PER3: variants seen among roughly 807,000 people sequenced by gnomAD.
The protein encoded by PER3 is period circadian protein homolog 3.
A neutral mutation model predicts 127.2 loss-of-function variants in PER3; 107 were observed. The ratio of observed to expected loss-of-function variants is 0.84; its 90% CI spans 0.72 to 0.99. The LOEUF (loss-of-function observed/expected upper bound fraction) is 0.99. Among genes scored for constraint, PER3 ranks in the 50% least tolerant of loss-of-function variants. PER3 has a pLI of 0.00. For missense variants in PER3, 1,560 were observed against 1,525.8 expected, an observed-to-expected ratio of 1.02 and a Z score of -0.37; for synonymous variants, 618 against 585.8, an observed-to-expected ratio of 1.05 and a Z score of -0.79.
chr1:7,784,730 C>A lies in PER3; in HGVS notation c.-148C>A. On this transcript the variant is annotated 5_prime_UTR_variant, in exon 2 of 22. Coordinates refer to ENST00000377532, the MANE Select transcript of PER3 (RefSeq NM_001377275.1). The stretch of plus-strand genomic sequence containing the variant: ...AAAAGCTCCTCGGAGATGAGCGTGA[C>A]CCCCTGGCTCGTGGTGGCCGCCTGT... The A allele has an allele frequency of 4.0e-6, 3 of 744,216 alleles. No homozygotes were observed. The highest frequency in any genetic ancestry group is 2.8e-5 in the South Asian group (1 of 36,356). 46.1% of individuals were successfully genotyped at this position (744,216 alleles called of 1,614,324 possible).
intron 10 of PER3, among the ~76,000 whole-genome samples, chr1:7,805,838 AAT>A (rs1468064355): frequency 6.6e-6 from 1 of 152,170 alleles, no homozygotes; most frequent in Non-Finnish European, 1.5e-5. Context: ...TCTTTGATGA[AAT>A]ATATGTGAAA....
Position 7,810,035 on chromosome 1 carries a change from T to C in PER3, c.1371+14T>C, listed in dbSNP as rs2150848640. On this transcript the variant is annotated intron_variant, in intron 12 of 21. Coordinates refer to ENST00000377532, the MANE Select transcript of PER3 (RefSeq NM_001377275.1). ...AAGGCGGAGCAGGTGCATGGGCTTA[T>C]GTCACATTCTTATACAGGCATCGTG... 1.2e-6 allele frequency: 2 copies of C among 1,609,510 alleles called. No individual in the cohort carries two copies. The highest frequency in any genetic ancestry group is 2.2e-5 in the East Asian group (1 of 44,736).
intron 13 of PER3, among the ~76,000 whole-genome samples, chr1:7,818,977 A>G (rs1393785219): frequency 6.6e-6 from 1 of 152,230 alleles, no homozygotes; most frequent in African/African-American, 2.4e-5. Context: ...AAAGCTCCCC[A>G]TCAACCTTAA....
intron 11 of PER3, among the ~76,000 whole-genome samples, 155 bp from the exon 12 acceptor site, chr1:7,809,738 G>T (rs562806811): frequency 6.6e-6 from 1 of 152,146 alleles, no homozygotes; most frequent in Non-Finnish European, 1.5e-5. Flanking sequence ...AGTGCCTTTC[G>T]TGTCAGCATC....
chr1:7,797,200 ATGTGAGCATGG>A (rs1370212074), intron 6 of PER3, among the ~76,000 whole-genome samples: 1 of 32,766 alleles, frequency 3.1e-5, no homozygotes, highest in Admixed American at 6.5e-4. Flanking sequence ...GTGAGCATGG[ATGTGAGCATGG>A]ATGTGGGTCG....
intron 13 of PER3, among the ~76,000 whole-genome samples, chr1:7,817,395 C>T (rs570243752): frequency 9.8e-5 from 15 of 152,310 alleles, no homozygotes; most frequent in African/African-American, 3.1e-4. Context: ...TGGGGAAGAA[C>T]GGAGCTCAGT....
intron 17 of PER3, 65 bp from the exon 18 acceptor site, chr1:7,827,053 G>T: frequency 8.0e-7 from 1 of 1,247,940 alleles, no homozygotes; most frequent in Non-Finnish European, 1.1e-6. Context: ...CTACCTGTAA[G>T]TGGCATCCTT....
chr1:7,790,363 G>A (rs998101015), intron 5 of PER3, among the ~76,000 whole-genome samples: 7 of 152,300 alleles, frequency 4.6e-5, no homozygotes, highest in African/African-American at 1.7e-4. Context: ...GGAGCCGAGT[G>A]AAGGAGGAAG....
intron 11 of PER3, 58 bp downstream of exon 11, chr1:7,809,056 C>A: frequency 1.2e-6 from 1 of 813,314 alleles, no homozygotes; most frequent in Non-Finnish European, 2.1e-6. Flanking sequence ...TTTTAATGCT[C>A]AGTAAATTCA....
chr1:7,789,758 G>T (rs977237949), intron 5 of PER3, among the ~76,000 whole-genome samples: 1 of 152,008 alleles, frequency 6.6e-6, no homozygotes, highest in Non-Finnish European at 1.5e-5. Context: ...TTTAATGAAG[G>T]GTAGCTTTGC....
At chr1:7,810,060 GT>G in intron 12 of PER3, 39 bp downstream of exon 12, 1 of 1,589,004 alleles carries the variant, frequency 6.3e-7, no homozygotes, top group Non-Finnish European at 8.6e-7. Context: ...CAGGCATCGT[GT>G]TTTCTGTACT....
At chr1:7,839,127 G>A (rs936151762) in intron 21 of PER3, among the ~76,000 whole-genome samples, 1 of 151,978 alleles carries the variant, frequency 6.6e-6, no homozygotes, top group Non-Finnish European at 1.5e-5. Context: ...TTTTCATTGC[G>A]ATAACCATGG....
At chr1:7,820,292 C>T in intron 15 of PER3, 53 bp downstream of exon 15, 2 of 1,564,892 alleles carry the variant, frequency 1.3e-6, no homozygotes, top group Non-Finnish European at 8.7e-7. Context: ...ATACATCCTT[C>T]TTGTTTCTCT....
intron 5 of PER3, among the ~76,000 whole-genome samples, chr1:7,789,371 T>A (rs981826112): frequency 1.3e-5 from 2 of 152,148 alleles, no homozygotes; most frequent in Non-Finnish European, 2.9e-5. Context: ...GCTGTTCTCG[T>A]GATAGTGGAT....
intron 21 of PER3, among the ~76,000 whole-genome samples, chr1:7,840,857 C>T (rs931559507): frequency 2.6e-5 from 4 of 152,204 alleles, no homozygotes; most frequent in Non-Finnish European, 4.4e-5. Context: ...ATCCACCTGC[C>T]TCAGCCTTCC....
rs890565042 is a variant in PER3 at position 7,835,871 on chromosome 1, C to T, written c.3324C>T (p.Val1108=). The T allele has an allele frequency of 7.4e-6, 12 of 1,611,102 alleles. No homozygotes were observed. The highest frequency in any genetic ancestry group is 5.0e-5 in the Admixed American group (3 of 59,998). The change falls in exon 20 of 22, where the codon GTC becomes GTT. Residue 1108 remains valine, a synonymous_variant. Transcript: ENST00000377532. The stretch of plus-strand genomic sequence containing the variant: ...AGAAAAAAGAAACATTTCCTAATGT[C>T]GCCGAAGAGCCCATCTGGAGAATGA... ...DVQKKETFPN[V]AEEPIWRMIR...
intron 13 of PER3, 148 bp downstream of exon 13, chr1:7,810,736 G>T (rs943002841): frequency 1.7e-5 from 10 of 585,278 alleles, no homozygotes; most frequent in Admixed American, 1.1e-4. Context: ...AATAGTAATA[G>T]CAATAGTAGT....
In PER3 at chr1:7,842,872, T is replaced by C; in HGVS notation, c.*117T>C. ...TATCATTGAATGTTAAGATTTTTTC[T>C]TCTTGATTTTTTAATACACGTAATC... On this transcript the variant is annotated 3_prime_UTR_variant, in exon 22 of 22. Transcript: ENST00000377532. 1.3e-6 allele frequency: 1 copy of C among 776,014 alleles called. No individual in the cohort carries two copies. Among genetic ancestry groups the C allele is most frequent in the African/African-American group, 1.7e-5 (1 of 57,818 alleles). The allele number at this position is 776,014 out of a possible 1,614,324, so 48.1% of individuals were successfully genotyped here.
rs137985542 is a variant in PER3 at position 7,808,061 on chromosome 1, C to T, written c.1137-832C>T. The stretch of plus-strand genomic sequence containing the variant: ...CAGCCTGGCCAACATGGCGAAACCC[C>T]GTCTCTACTAAAAATACAAAAATTA... On this transcript the variant is annotated intron_variant, in intron 10 of 21. Coordinates refer to ENST00000377532, the MANE Select transcript of PER3 (RefSeq NM_001377275.1). 7.5e-3 allele frequency among the ~76,000 whole-genome samples: 1,147 copies of T among 151,950 alleles called. 8 individuals are homozygous for T. The highest frequency in any genetic ancestry group is 0.037 in the Middle Eastern group (11 of 294).
Sources: allele counts gnomAD v4.1 joint callset (sites outside exome capture counted in the v4.1 genomes callset), GRCh38; gene constraint gnomAD v4.1.1; transcripts MANE v1.5; gene names NCBI Gene and HGNC (gene_info 2026-07-23, HGNC 2026-07-21).